The following OSBPL8 variants were observed in gnomAD, a reference collection of about 807,000 sequenced individuals.
OSBPL8 encodes the protein oxysterol binding protein like 8, also known as oxysterol-binding protein-related protein 8.
In OSBPL8, 59 loss-of-function variants were observed where a neutral mutation model predicts 125.5. That is an observed-to-expected ratio of 0.47 (90% confidence interval 0.38 to 0.58). The LOEUF (loss-of-function observed/expected upper bound fraction) is 0.58. OSBPL8 is among the 20% of genes least tolerant of loss of function. OSBPL8 has a pLI of 0.00. For synonymous variants in OSBPL8, 330 were observed against 338.9 expected (o/e 0.97, Z 0.29); for missense variants, 758 against 1,047.8 (o/e 0.72, Z 3.82).
intron 1 of OSBPL8, chr12:76,534,220 T>C (rs1950427907): frequency 6.6e-6 from 1 of 152,232 alleles, no homozygotes; most frequent in Admixed American, 6.5e-5. Context: ...GTTTGGCAAC[T>C]GCCATTACAG....
intron 1 of OSBPL8, among the ~76,000 whole-genome samples, chr12:76,541,427 G>A (rs1565983863): frequency 6.6e-6 from 1 of 151,872 alleles, no homozygotes; most frequent in Admixed American, 6.6e-5. Flanking sequence ...GCGGTGAGTC[G>A]ACATTGTGCC....
chr12:76,538,523 C>T (rs528616681), intron 1 of OSBPL8, among the ~76,000 whole-genome samples: 35 of 152,228 alleles, frequency 2.3e-4, no homozygotes, highest in African/African-American at 8.4e-4. Context: ...TTAAATCAAA[C>T]ACCTGTAAGA....
chr12:76,460,506 A>C (rs1874591421), intron 2 of OSBPL8, among the ~76,000 whole-genome samples: 1 of 151,956 alleles, frequency 6.6e-6, no homozygotes, highest in African/African-American at 2.4e-5. Flanking sequence ...AAAAAAAAAA[A>C]AAAAAAGAGA....
At chr12:76,524,598 A>G (rs1950114437) in intron 1 of OSBPL8, among the ~76,000 whole-genome samples, 1 of 152,234 alleles carries the variant, frequency 6.6e-6, no homozygotes, top group Non-Finnish European at 1.5e-5. Flanking sequence ...GATACAAAGT[A>G]TATACCACTG....
At chr12:76,455,506 T>C (rs1873928600) in intron 3 of OSBPL8, among the ~76,000 whole-genome samples, 3 of 152,334 alleles carry the variant, frequency 2.0e-5, no homozygotes, top group African/African-American at 7.2e-5. Context: ...GCCTGAACTG[T>C]AAAGTTAGCT....
intron 1 of OSBPL8, chr12:76,537,970 A>G (rs1172005301): frequency 2.6e-5 from 4 of 152,230 alleles, no homozygotes; most frequent in East Asian, 1.9e-4. Context: ...TAAACGCAGT[A>G]GCACCAATGG....
chr12:76,358,591 C>A, intron 22 of OSBPL8, 115 bp downstream of exon 22: 1 of 862,592 alleles, frequency 1.2e-6, no homozygotes, highest in Non-Finnish European at 1.9e-6. Flanking sequence ...TGTATCTCAA[C>A]CCTGCCCCGA....
In OSBPL8 at chr12:76,375,285, T is replaced by A; in HGVS notation, c.1815A>T (p.Glu605Asp). ...ATTGTCTACTAACCTTTAGTTTAAA[T>A]TCAAGTATTGCACTGTATCCAGTTT... ...CQKTGYSAILEFKLKPFLGSS... is the reference protein window; with the variant it reads ...CQKTGYSAILDFKLKPFLGSS... The change falls in exon 17 of 24, where the codon GAA becomes GAT. Residue 605 changes from glutamate (E) to aspartate (D), a missense_variant. By Grantham distance (45) the Glu-to-Asp change is conservative. This residue lies in a region of OSBPL8 where 572 missense variants were observed against 762.0 expected (regional missense o/e 0.75). Coordinates refer to ENST00000261183, the MANE Select transcript of OSBPL8 (RefSeq NM_020841.5). 1 of 1,606,420 alleles carries A rather than the reference T, an allele frequency of 6.2e-7. No individual in the cohort carries two copies. The highest frequency in any genetic ancestry group is 8.5e-7 in the Non-Finnish European group (1 of 1,174,044).
intron 2 of OSBPL8, among the ~76,000 whole-genome samples, chr12:76,470,982 A>C (rs1364662116): frequency 6.6e-6 from 1 of 152,218 alleles, no homozygotes; most frequent in Non-Finnish European, 1.5e-5. Context: ...AAACTAATGA[A>C]TATAACAACT....
intron 1 of OSBPL8, among the ~76,000 whole-genome samples, chr12:76,558,818 CTT>C (rs1480565358): frequency 6.6e-6 from 1 of 152,214 alleles, no homozygotes; most frequent in Non-Finnish European, 1.5e-5. Flanking sequence ...TGATTCCACT[CTT>C]GAGAGAGGGC....
chr12:76,363,999 C>T (rs985294135), intron 21 of OSBPL8, among the ~76,000 whole-genome samples: 2 of 152,130 alleles, frequency 1.3e-5, no homozygotes, highest in Admixed American at 1.3e-4. Context: ...AGTCAGGAAA[C>T]AACAGATGCT....
At chr12:76,472,205 G>A (rs183756668) in intron 2 of OSBPL8, among the ~76,000 whole-genome samples, 4 of 152,314 alleles carry the variant, frequency 2.6e-5, no homozygotes, top group Admixed American at 2.6e-4. Context: ...TCTGTAAGAT[G>A]AGGATACCAC....
chr12:76,394,733 A>G lies in OSBPL8; in HGVS notation c.673-4T>C, dbSNP rs1391389822. The stretch of plus-strand genomic sequence containing the variant: ...CAACCGCTTCACCTTTTGGACCCTT[A>G]ATAACAAAATAAACAAAATAAATGG... On this transcript the variant is annotated splice_region_variant and splice_polypyrimidine_tract_variant and intron_variant, in intron 8 of 23. Coordinates refer to ENST00000261183, the MANE Select transcript of OSBPL8 (RefSeq NM_020841.5). 1 of 1,601,740 alleles carries G rather than the reference A, an allele frequency of 6.2e-7. No homozygotes were observed. Among genetic ancestry groups the G allele is most frequent in the Non-Finnish European group, 8.5e-7 (1 of 1,172,626 alleles).
intron 1 of OSBPL8, among the ~76,000 whole-genome samples, chr12:76,522,577 T>C (rs1013992413): frequency 6.6e-6 from 1 of 152,220 alleles, no homozygotes; most frequent in African/African-American, 2.4e-5. Context: ...GGACACCCTT[T>C]AGGTTTGGTA....
chr12:76,361,783 G>A (rs1384684163), intron 21 of OSBPL8, among the ~76,000 whole-genome samples: 2 of 152,152 alleles, frequency 1.3e-5, no homozygotes, highest in African/African-American at 4.8e-5. Flanking sequence ...ACTACCATGA[G>A]AACAGCATGG....
intron 21 of OSBPL8, among the ~76,000 whole-genome samples, chr12:76,364,769 T>C (rs1195828898): frequency 6.6e-6 from 1 of 152,212 alleles, no homozygotes; most frequent in African/African-American, 2.4e-5. Context: ...TTGATTACTA[T>C]AGCTTTATAG....
chr12:76,524,969 C>A (rs1359071507), intron 1 of OSBPL8, among the ~76,000 whole-genome samples: 1 of 152,172 alleles, frequency 6.6e-6, no homozygotes. Context: ...CAGGCGTGAG[C>A]CACTGCGCCC....
At chr12:76,503,745 G>A (rs1323099671) in intron 1 of OSBPL8, among the ~76,000 whole-genome samples, 3 of 151,464 alleles carry the variant, frequency 2.0e-5, no homozygotes, top group East Asian at 1.9e-4. Context: ...GGGTTTCACC[G>A]TGCTAGCTAG....
intron 3 of OSBPL8, among the ~76,000 whole-genome samples, chr12:76,456,620 T>A (rs1017575000): frequency 6.6e-6 from 1 of 152,056 alleles, no homozygotes; most frequent in African/African-American, 2.4e-5. Flanking sequence ...AAAAAGTGCA[T>A]TTAACTTTTG....
Sources: allele counts gnomAD v4.1 joint callset (sites outside exome capture counted in the v4.1 genomes callset), GRCh38; gene constraint gnomAD v4.1.1; regional missense constraint gnomAD v4.1.1; transcripts MANE v1.5; gene names NCBI Gene and HGNC (gene_info 2026-07-23, HGNC 2026-07-21).